GRIP1: variants seen among roughly 807,000 people sequenced by gnomAD.
GRIP1 encodes glutamate receptor interacting protein 1, also known as glutamate receptor-interacting protein 1.
In GRIP1, 45 loss-of-function variants were observed where a neutral mutation model predicts 129.9. That is an observed-to-expected ratio of 0.35 (90% CI 0.27 to 0.44). The LOEUF is 0.44. GRIP1 is among the 20% of genes least tolerant of loss of function. The probability of loss-of-function intolerance (pLI) is 1.00; values close to 1 mark genes in which losing one functional copy is unlikely to be tolerated. For synonymous variants in GRIP1, 530 were observed against 520.8 expected, an observed-to-expected ratio of 1.02 and a Z score of -0.24; for missense variants, 1,196 against 1,396.8, an observed-to-expected ratio of 0.86 and a Z score of 2.29.
At chr12:66,641,362 A>G (rs10878479) in intron 1 of GRIP1, among the ~76,000 whole-genome samples, 102,833 of 152,052 alleles carry the variant, frequency 0.68, 36,029 homozygotes, top group African/African-American at 0.84. Flanking sequence ...GAGCTTTAAG[A>G]GATGAGCCTA....
At chr12:66,896,795 T>G (rs1239067386) in intron 1 of GRIP1, among the ~76,000 whole-genome samples, 1 of 152,216 alleles carries the variant, frequency 6.6e-6, no homozygotes, top group Non-Finnish European at 1.5e-5. Context: ...AATTCTGTAT[T>G]CGAAGTTAAG....
chr12:66,953,557 T>C (rs1445221406), intron 1 of GRIP1, among the ~76,000 whole-genome samples: 2 of 152,152 alleles, frequency 1.3e-5, no homozygotes, highest in African/African-American at 4.8e-5. Flanking sequence ...CCTTGAGACA[T>C]CTGGAAAATA....
chr12:66,893,323 A>G (rs1272154730), intron 1 of GRIP1, among the ~76,000 whole-genome samples: 1 of 152,030 alleles, frequency 6.6e-6, no homozygotes, highest in Non-Finnish European at 1.5e-5. Flanking sequence ...CATGTTTCAC[A>G]CAGCCTCCCA....
rs1445099045 is a variant in GRIP1 at position 66,379,332 on chromosome 12, A to G, written c.2569T>C (p.Tyr857His). The G allele has an allele frequency of 1.2e-6, 2 of 1,613,990 alleles. No homozygotes were observed. The highest frequency in any genetic ancestry group is 2.2e-5 in the East Asian group (1 of 44,882). The change falls in exon 20 of 25, where the codon TAC (tyrosine) becomes CAC (histidine). Residue 857 changes from tyrosine (Y) to histidine (H), a missense_variant. By Grantham distance (83) the Tyr-to-His change is moderately conservative (BLOSUM62 2). Around this residue, in one of 5 missense-constraint regions of GRIP1, gnomAD observed 427 missense variants for 463.3 expected, o/e 0.92. Transcript: ENST00000359742. ...TCATAACTCAGCCCCACATCTGGGT[A>G]AGTCTGGCTTCGAGGCTTAGTGACT... ...SPVTKPRSQTYPDVGLSYEDW... is the reference protein window; with the variant it reads ...SPVTKPRSQTHPDVGLSYEDW...
At position 66,539,140 on chromosome 12, in the gene GRIP1, C is replaced by G. The variant is rs745421984; in HGVS notation, c.356G>C (p.Ser119Thr). ...LAKFRHDEII[S>T]LLKNVGERVV... ...TCTTTCTCCCACATTCTTCAGCAAG[C>G]TGATGATCTCGTCATGGCGGAATTT... Residue 119 changes from serine (S) to threonine (T), a missense_variant, in exon 4 of 25, where the codon AGC becomes ACC. Physicochemically the swap from Ser to Thr is moderately conservative, Grantham distance 58. This residue lies in a region of GRIP1 where 217 missense variants were observed against 224.8 expected (regional missense o/e 0.97). Coordinates refer to ENST00000359742, the MANE Select transcript of GRIP1 (RefSeq NM_001366722.1). The G allele has an allele frequency of 1.9e-6, 3 of 1,614,018 alleles. No individual in the cohort carries two copies. The highest frequency in any genetic ancestry group is 2.7e-5 in the African/African-American group (2 of 74,924).
At chr12:66,509,527 G>T (rs1364364463) in intron 7 of GRIP1, among the ~76,000 whole-genome samples, 2 of 152,150 alleles carry the variant, frequency 1.3e-5, no homozygotes, top group African/African-American at 4.8e-5. Flanking sequence ...AGATGTTCAT[G>T]CTTTCCAAAG....
At chr12:66,715,467 T>TGAGA (rs2035850291) in intron 1 of GRIP1, among the ~76,000 whole-genome samples, 1 of 129,616 alleles carries the variant, frequency 7.7e-6, no homozygotes, top group African/African-American at 2.9e-5. Flanking sequence ...TGTGTGTGTG[T>TGAGA]GTGTGAGAGA....
chr12:66,895,433 C>G (rs961491130), intron 1 of GRIP1, among the ~76,000 whole-genome samples: 2 of 152,186 alleles, frequency 1.3e-5, no homozygotes, highest in African/African-American at 4.8e-5. Flanking sequence ...GTGAAACTGT[C>G]AGTCCACTAA....
chr12:66,666,784 T>C (rs2033819995), intron 1 of GRIP1, among the ~76,000 whole-genome samples: 1 of 152,170 alleles, frequency 6.6e-6, no homozygotes, highest in Admixed American at 6.5e-5. Context: ...ATTTAAATTT[T>C]CTGAATCATT....
intron 1 of GRIP1, among the ~76,000 whole-genome samples, chr12:66,983,324 C>T (rs1277899131): frequency 1.3e-5 from 2 of 152,104 alleles, no homozygotes; most frequent in Non-Finnish European, 2.9e-5. Flanking sequence ...AATTTTCCTA[C>T]TCAGCTGTGT....
rs2034464422 is a variant in GRIP1 at position 66,678,931 on chromosome 12, GTGT to G, written c.-30_-28del. On this transcript the variant is annotated 5_prime_UTR_variant, in exon 1 of 25. Transcript: ENST00000359742. ...CTTGCTCACTGCTTTCTGTGGCAAA[GTGT>G]ACTCAAGGCTCTCTGCTCTGGTGGC... The G allele has an allele frequency of 1.2e-6, 2 of 1,612,966 alleles. No homozygotes were observed. Among genetic ancestry groups the G allele is most frequent in the African/African-American group, 2.7e-5 (2 of 74,880 alleles).
intron 15 of GRIP1, among the ~76,000 whole-genome samples, chr12:66,420,356 T>A (rs1025414868): frequency 2.6e-5 from 4 of 151,874 alleles, no homozygotes; most frequent in Non-Finnish European, 5.9e-5. Flanking sequence ...AACAGCAAAA[T>A]TCTTGCACAA....
At chr12:66,600,148 CACTT>C (rs1485090184) in intron 1 of GRIP1, among the ~76,000 whole-genome samples, 1 of 152,194 alleles carries the variant, frequency 6.6e-6, no homozygotes, top group African/African-American at 2.4e-5. Flanking sequence ...AAGCAAACAA[CACTT>C]ACAAATGGTA....
intron 1 of GRIP1, among the ~76,000 whole-genome samples, chr12:67,043,788 CTAACA>C (rs1181612425): frequency 6.6e-6 from 1 of 152,136 alleles, no homozygotes; most frequent in Non-Finnish European, 1.5e-5. Flanking sequence ...CTGCACATTA[CTAACA>C]TGTTACTCAA....
At chr12:66,771,397 C>T (rs893130628) in intron 1 of GRIP1, among the ~76,000 whole-genome samples, 1 of 152,172 alleles carries the variant, frequency 6.6e-6, no homozygotes, top group Non-Finnish European at 1.5e-5. Flanking sequence ...AGACCTTGCA[C>T]AGACACAACA....
intron 1 of GRIP1, among the ~76,000 whole-genome samples, chr12:66,693,203 T>C (rs2035039098): frequency 2.0e-5 from 3 of 152,190 alleles, no homozygotes; most frequent in Admixed American, 2.0e-4. Flanking sequence ...GTTATCAAAC[T>C]GGCAGCTCCA....
chr12:66,355,210 TTGTGTGTGCATGTGTGTG>T (rs1181673600), intron 23 of GRIP1, among the ~76,000 whole-genome samples: 1 of 152,134 alleles, frequency 6.6e-6, no homozygotes, highest in Non-Finnish European at 1.5e-5. Context: ...CATTCCATCA[TTGTGTGTGCATGTGTGTG>T]TGTGTGTGCA....
At chr12:66,888,166 C>CCA (rs2040597049) in intron 1 of GRIP1, among the ~76,000 whole-genome samples, 1 of 151,868 alleles carries the variant, frequency 6.6e-6, no homozygotes, top group South Asian at 2.1e-4. Flanking sequence ...AGTGATCCTC[C>CCA]CACCTCAGCC....
chr12:66,374,957 T>C (rs948907239), intron 22 of GRIP1, among the ~76,000 whole-genome samples: 12 of 152,196 alleles, frequency 7.9e-5, no homozygotes, highest in Admixed American at 7.9e-4. Flanking sequence ...TGCTTTGGTC[T>C]CAAGAGTATG....
Sources: allele counts gnomAD v4.1 joint callset (sites outside exome capture counted in the v4.1 genomes callset), GRCh38; gene constraint gnomAD v4.1.1; regional missense constraint gnomAD v4.1.1; transcripts MANE v1.5; gene names NCBI Gene and HGNC (gene_info 2026-07-23, HGNC 2026-07-21).